EVL: variants seen among roughly 807,000 people sequenced by gnomAD.
The protein encoded by EVL is ena/VASP-like protein.
EVL carries 21 observed loss-of-function variants against 59.6 expected under a neutral mutation model. That is an observed-to-expected ratio of 0.35 (90% CI 0.25 to 0.51). The LOEUF is 0.51. EVL is among the 20% of genes least tolerant of loss of function. The pLI is 0.97. For synonymous variants in EVL, 198 were observed against 203.5 expected (o/e 0.97, Z 0.23); for missense variants, 462 against 546.6 (o/e 0.85, Z 1.54).
chr14:100,082,233 C>T (rs1438301045), intron 1 of EVL, among the ~76,000 whole-genome samples: 1 of 151,110 alleles, frequency 6.6e-6, no homozygotes, highest in African/African-American at 2.4e-5. Context: ...GACTGCCTTA[C>T]TAGCTGTGAG....
At chr14:100,095,184 C>T (rs901647733) in intron 2 of EVL, among the ~76,000 whole-genome samples, 3 of 152,216 alleles carry the variant, frequency 2.0e-5, no homozygotes, top group Non-Finnish European at 4.4e-5. Flanking sequence ...ACTAAAGTAT[C>T]TTTTATCTTG....
At chr14:100,137,711 C>T (rs371019517) in intron 10 of EVL, 29 bp from the exon 11 acceptor site, 20 of 1,614,022 alleles carry the variant, frequency 1.2e-5, no homozygotes, top group Non-Finnish European at 1.5e-5. Context: ...GGCGCCGATT[C>T]ACATGTCTGT....
In EVL at chr14:100,111,940, C is replaced by T. The variant is rs556724442; in HGVS notation, c.359-11599C>T. Among the ~76,000 whole-genome samples the T allele has an allele frequency of 3.3e-5, 5 of 152,352 alleles. No individual in the cohort carries two copies. The East Asian group carries it at 7.7e-4, about 24-fold the overall frequency. ...AGACCCTGCTCAGCTGGCAGCCCCC[C>T]AGCTTTCTAAACTATAACCCGGCTT... On this transcript the variant is annotated intron_variant, in intron 3 of 13. Transcript: ENST00000392920.
chr14:100,000,409 G>T (rs1001333877), intron 1 of EVL, among the ~76,000 whole-genome samples: 119 of 146,850 alleles, frequency 8.1e-4, no homozygotes, highest in Non-Finnish European at 7.4e-5. Context: ...GTGCAGTGGC[G>T]CGATCTCTGC....
intron 1 of EVL, among the ~76,000 whole-genome samples, chr14:100,038,771 GGTGT>G (rs61309441): frequency 1.1e-4 from 16 of 141,006 alleles, no homozygotes; most frequent in East Asian, 2.1e-4. Context: ...TGTGCCCTGG[GGTGT>G]GTGTGTGTGT....
chr14:100,082,280 T>C (rs1274602447), intron 1 of EVL, among the ~76,000 whole-genome samples: 2 of 152,034 alleles, frequency 1.3e-5, no homozygotes, highest in Non-Finnish European at 2.9e-5. Flanking sequence ...CCATCTCTCT[T>C]TCATTAATGT....
chr14:100,064,060 A>C (rs2061883247), upstream of EVL, among the ~76,000 whole-genome samples: 1 of 152,238 alleles, frequency 6.6e-6, no homozygotes, highest in East Asian at 1.9e-4. Flanking sequence ...ACTGCAATAC[A>C]TCCAAACTGT....
At position 100,143,865 on chromosome 14, in the gene EVL, G is replaced by T; in HGVS notation, c.*127G>T. 8.9e-7 allele frequency: 1 copy of T among 1,121,510 alleles called. No individual in the cohort carries two copies. Among genetic ancestry groups the T allele is most frequent in the Non-Finnish European group, 1.3e-6 (1 of 785,084 alleles). 69.5% of individuals were successfully genotyped at this position (1,121,510 alleles called of 1,614,324 possible). ...GAGCCTGGGCGCGCTGCTGTGAAAC[G>T]TCCTGACCTGTGATCACACATGACA... On this transcript the variant is annotated 3_prime_UTR_variant, in exon 14 of 14. Transcript: ENST00000392920.
intron 1 of EVL, among the ~76,000 whole-genome samples, chr14:99,981,567 A>G (rs1376029606): frequency 1.3e-5 from 2 of 152,238 alleles, no homozygotes; most frequent in African/African-American, 2.4e-5. Context: ...GGAACCTTGC[A>G]GTAGACTTAC....
chr14:100,101,546 G>A (rs1886224433), intron 3 of EVL, among the ~76,000 whole-genome samples: 2 of 152,292 alleles, frequency 1.3e-5, no homozygotes, highest in South Asian at 2.1e-4. Flanking sequence ...GGGAGGCTGA[G>A]ACAGGAGAAT....
rs1379774654 is a variant in EVL, at chr14:100,047,114, C to CTTTTTTTTTTTT, written c.6-37572_6-37571insTTTTTTTTTTTT. The stretch of plus-strand genomic sequence containing the variant: ...ATTTTGAGACCTTGGGCAGATCTCT[C>CTTTTTTTTTTTT]TCTCTTTTTTTTTTTTTTTTTTTTT... On this transcript the variant is annotated intron_variant, in intron 1 of 13. Coordinates refer to the EVL transcript ENST00000402714. Among the ~76,000 whole-genome samples the CTTTTTTTTTTTT allele has an allele frequency of 4.1e-3, 386 of 95,096 alleles. 118 individuals are homozygous for CTTTTTTTTTTTT. The highest frequency in any genetic ancestry group is 0.018 in the South Asian group (38 of 2,144). The allele number at this position is 95,096 out of a possible 152,430, so 62.4% of individuals were successfully genotyped here.
chr14:100,074,909 G>A (rs1166903326), intron 1 of EVL: 3 of 152,548 alleles, frequency 2.0e-5, no homozygotes, highest in Non-Finnish European at 4.4e-5. Context: ...GGGGAGACAG[G>A]GTGGGGCTGC....
At chr14:100,139,045 T>C (rs1888992840) in intron 11 of EVL, 1 of 152,300 alleles carries the variant, frequency 6.6e-6, no homozygotes, top group Non-Finnish European at 1.5e-5. Context: ...ATTGTGTTCA[T>C]GCGCAGGGCC....
chr14:100,063,242 A>G (rs914877223), upstream of EVL, among the ~76,000 whole-genome samples: 3 of 152,180 alleles, frequency 2.0e-5, no homozygotes, highest in African/African-American at 4.8e-5. Flanking sequence ...AAAAGTAGAG[A>G]ACCTGTCCAC....
chr14:100,043,401 G>A (rs893313868), intron 1 of EVL, among the ~76,000 whole-genome samples: 2 of 148,708 alleles, frequency 1.3e-5, no homozygotes, highest in African/African-American at 2.5e-5. Flanking sequence ...TAGACCGTCT[G>A]CACGCTGGAG....
At chr14:100,076,742 T>A (rs754739664) in intron 1 of EVL, among the ~76,000 whole-genome samples, 1 of 149,808 alleles carries the variant, frequency 6.7e-6, no homozygotes. Flanking sequence ...GTGCGGGGGG[T>A]GGAGTGTTAG....
At chr14:100,111,974 G>A (rs1322824516) in intron 3 of EVL, among the ~76,000 whole-genome samples, 1 of 152,208 alleles carries the variant, frequency 6.6e-6, no homozygotes, top group African/African-American at 2.4e-5. Flanking sequence ...TTGGTCAGAG[G>A]TTGATTATTA....
At chr14:100,020,548 A>C (rs2061105628) in intron 1 of EVL, among the ~76,000 whole-genome samples, 1 of 152,156 alleles carries the variant, frequency 6.6e-6, no homozygotes, top group African/African-American at 2.4e-5. Flanking sequence ...TGCATTTTAG[A>C]ACTGAGCATA....
At chr14:100,034,894 G>A (rs1419933673) in intron 1 of EVL, among the ~76,000 whole-genome samples, 1 of 152,190 alleles carries the variant, frequency 6.6e-6, no homozygotes, top group Non-Finnish European at 1.5e-5. Context: ...TGGTAGTTGT[G>A]AGGAAAAGTA....
Sources: allele counts gnomAD v4.1 joint callset (sites outside exome capture counted in the v4.1 genomes callset), GRCh38; gene constraint gnomAD v4.1.1; transcripts MANE v1.5; gene names NCBI Gene and HGNC (gene_info 2026-07-23, HGNC 2026-07-21).